Variants in PLXNA4 observed in about 807,000 individuals in gnomAD.
PLXNA4 encodes the protein plexin-A4.
A neutral mutation model predicts 191.8 loss-of-function variants in PLXNA4; 44 were observed. The observed-to-expected ratio is 0.23, with a 90% confidence interval of 0.18 to 0.29. The LOEUF (loss-of-function observed/expected upper bound fraction) is 0.29. Among genes scored for constraint, PLXNA4 ranks in the 10% least tolerant of loss-of-function variants. The pLI, the probability that PLXNA4 is intolerant of heterozygous loss-of-function variation, is 1.00. For synonymous variants in PLXNA4, 1,082 were observed against 1,009.5 expected (o/e 1.07, Z -1.36); for missense variants, 1,800 against 2,488.8 (o/e 0.72, Z 5.89).
At chr7:132,320,627 G>A (rs371182828) in intron 3 of PLXNA4, among the ~76,000 whole-genome samples, 21 of 152,032 alleles carry the variant, frequency 1.4e-4, no homozygotes, top group East Asian at 1.2e-3. Flanking sequence ...CAGAGTCTCC[G>A]TGCTTCTCCA....
At chr7:132,609,160 G>T (rs1162855989) in intron 2 of PLXNA4, among the ~76,000 whole-genome samples, 1 of 152,108 alleles carries the variant, frequency 6.6e-6, no homozygotes, top group Non-Finnish European at 1.5e-5. Flanking sequence ...TACACGTTTT[G>T]TCATAATTAC....
chr7:132,200,678 G>C (rs1394205358), intron 12 of PLXNA4, among the ~76,000 whole-genome samples: 1 of 152,216 alleles, frequency 6.6e-6, no homozygotes, highest in Non-Finnish European at 1.5e-5. Context: ...ACACACAAAT[G>C]TGTAGGAGGC....
At chr7:132,639,125 G>A (rs768267225) in intron 2 of PLXNA4, among the ~76,000 whole-genome samples, 3 of 152,164 alleles carry the variant, frequency 2.0e-5, no homozygotes, top group Admixed American at 6.5e-5. Context: ...TCACGGTGCT[G>A]AGCTTATAAC....
rs760680174 is a variant in PLXNA4, at chr7:132,146,573, C to T, written c.4992G>A (p.Lys1664=). The change falls in exon 28 of 32, where the codon AAG becomes AAA. Residue 1664 remains lysine (K), a synonymous_variant. Coordinates refer to ENST00000321063, the MANE Select transcript of PLXNA4 (RefSeq NM_020911.2). ...LVKNHEHGDQ[K]EGDRGSKMVS... ...CCATCTTGCTCCCCCGGTCCCCCTC[C>T]TTCTGGTCTCCGTGCTCGTGGTTCT... 6.2e-7 allele frequency: 1 copy of T among 1,614,198 alleles called. No homozygotes were observed. Among genetic ancestry groups the T allele is most frequent in the Non-Finnish European group, 8.5e-7 (1 of 1,180,028 alleles).
chr7:132,632,235 C>CA (rs398006359), intron 2 of PLXNA4, among the ~76,000 whole-genome samples: 1,468 of 78,090 alleles, frequency 0.019, 26 homozygotes, highest in African/African-American at 0.04. Flanking sequence ...GACTCCATCT[C>CA]AAAAAAAAAA....
chr7:132,617,256 G>A (rs1205896602), intron 2 of PLXNA4, among the ~76,000 whole-genome samples: 2 of 152,160 alleles, frequency 1.3e-5, no homozygotes, highest in African/African-American at 2.4e-5. Context: ...GGGAGCCACA[G>A]TGCCACAGAG....
intron 2 of PLXNA4, among the ~76,000 whole-genome samples, chr7:132,640,250 G>A (rs1024292037): frequency 2.0e-5 from 3 of 152,206 alleles, no homozygotes; most frequent in African/African-American, 7.2e-5. Context: ...GAGAAGACAT[G>A]ATCAGCATAG....
At chr7:132,400,779 C>T (rs917472476) in intron 3 of PLXNA4, among the ~76,000 whole-genome samples, 4 of 152,218 alleles carry the variant, frequency 2.6e-5, no homozygotes, top group African/African-American at 7.2e-5. Flanking sequence ...AAGCTCCCTG[C>T]GCACAGCTTG....
At chr7:132,586,906 G>T (rs1270808964) in intron 2 of PLXNA4, among the ~76,000 whole-genome samples, 1 of 152,204 alleles carries the variant, frequency 6.6e-6, no homozygotes, top group African/African-American at 2.4e-5. Flanking sequence ...CTCCATCCTG[G>T]GTGACAGAGT....
intron 15 of PLXNA4, 73 bp downstream of exon 15, chr7:132,187,398 A>G (rs1051748463): frequency 4.4e-5 from 68 of 1,538,646 alleles, no homozygotes; most frequent in Non-Finnish European, 5.6e-5. Context: ...AATAAAAACA[A>G]AGCTACCCTG....
At chr7:132,594,707 G>A (rs1316555421) in intron 2 of PLXNA4, among the ~76,000 whole-genome samples, 1 of 152,186 alleles carries the variant, frequency 6.6e-6, no homozygotes, top group East Asian at 1.9e-4. Context: ...AGGGAAGGCT[G>A]TATGGGGGGA....
rs962838634 is a variant in PLXNA4 at position 132,422,436 on chromosome 7, C to G, written c.1371+66856G>C. Among the ~76,000 whole-genome samples the G allele has an allele frequency of 2.0e-5, 3 of 152,220 alleles. No homozygotes were observed. The East Asian group carries it at 5.8e-4, about 29-fold the overall frequency. On this transcript the variant is annotated intron_variant, in intron 3 of 31. Transcript: ENST00000321063. ...GATATGCAACTTACCCAAAGTCACA[C>G]AGCTGGTGCATCATTAAAGCTGAGA... is the stretch of plus-strand genomic sequence containing the variant.
chr7:132,426,190 G>T (rs547503555), intron 3 of PLXNA4, among the ~76,000 whole-genome samples: 3 of 152,312 alleles, frequency 2.0e-5, no homozygotes, highest in Admixed American at 2.0e-4. Flanking sequence ...GATGCCCAGA[G>T]CAACTGCACA....
intron 4 of PLXNA4, among the ~76,000 whole-genome samples, chr7:132,244,229 C>T (rs1430855422): frequency 6.6e-6 from 1 of 152,096 alleles, no homozygotes; most frequent in East Asian, 1.9e-4. Flanking sequence ...GAACTGGGCG[C>T]GTTAGGTCTG....
At chr7:132,245,205 GC>G (rs1799008033) in intron 4 of PLXNA4, among the ~76,000 whole-genome samples, 1 of 152,158 alleles carries the variant, frequency 6.6e-6, no homozygotes, top group African/African-American at 2.4e-5. Flanking sequence ...AGTAAGAGGG[GC>G]GGGGGAGGGA....
intron 3 of PLXNA4, among the ~76,000 whole-genome samples, chr7:132,471,562 C>T (rs1315690035): frequency 6.6e-6 from 1 of 152,154 alleles, no homozygotes; most frequent in Non-Finnish European, 1.5e-5. Flanking sequence ...TCATCAGTCT[C>T]CTTGCCAGGA....
At chr7:132,575,199 C>G (rs1163471075) in intron 1 of PLXNA4, among the ~76,000 whole-genome samples, 1 of 152,162 alleles carries the variant, frequency 6.6e-6, no homozygotes, top group South Asian at 2.1e-4. Flanking sequence ...TATGGAAAAG[C>G]CTCTTAGAAC....
intron 1 of PLXNA4, among the ~76,000 whole-genome samples, chr7:132,518,628 C>A: frequency 6.6e-6 from 1 of 152,188 alleles, no homozygotes; most frequent in East Asian, 1.9e-4. Flanking sequence ...CCAGGGAAAT[C>A]CAGCACCAAG....
chr7:132,364,109 G>A (rs746949301), intron 3 of PLXNA4, among the ~76,000 whole-genome samples: 2 of 152,232 alleles, frequency 1.3e-5, no homozygotes, highest in African/African-American at 2.4e-5. Context: ...TGGGCAGGGC[G>A]ATGGCTCAGA....
Sources: gnomAD v4.1 joint callset for allele counts (sites outside exome capture counted in the v4.1 genomes callset) on GRCh38, gnomAD v4.1.1 for gene constraint, MANE v1.5 for transcripts, NCBI Gene and HGNC (gene_info 2026-07-23, HGNC 2026-07-21) for gene names.